Variants in TRAPPC9 observed in about 807,000 individuals in gnomAD.
TRAPPC9 encodes trafficking protein particle complex subunit 9.
TRAPPC9 carries 83 observed loss-of-function variants against 124.0 expected under a neutral mutation model. The ratio of observed to expected loss-of-function variants is 0.67; its 90% CI spans 0.56 to 0.80. TRAPPC9 has a LOEUF of 0.80. TRAPPC9 is among the 30% of genes least tolerant of loss of function. The pLI, the probability that TRAPPC9 is intolerant of heterozygous loss-of-function variation, is 0.00. For missense variants in TRAPPC9, 1,302 were observed against 1,508.3 expected (o/e 0.86, Z 2.27); for synonymous variants, 638 against 617.5 (o/e 1.03, Z -0.49).
intron 21 of TRAPPC9, among the ~76,000 whole-genome samples, chr8:139,844,447 G>A (rs565342854): frequency 5.9e-5 from 9 of 152,326 alleles, no homozygotes; most frequent in South Asian, 2.1e-4. Flanking sequence ...TCGTCAAGAC[G>A]TTCCTTCCCT....
chr8:140,143,740 C>T (rs7821157), intron 17 of TRAPPC9, among the ~76,000 whole-genome samples: 1 of 152,286 alleles, frequency 6.6e-6, no homozygotes, highest in African/African-American at 2.4e-5. Context: ...CAAATTTTTT[C>T]ATATGCATAA....
intron 21 of TRAPPC9, among the ~76,000 whole-genome samples, chr8:139,734,919 T>A (rs1818057410): frequency 6.6e-6 from 1 of 152,366 alleles, no homozygotes; most frequent in East Asian, 1.9e-4. Flanking sequence ...AGGCTATGAT[T>A]TGCCCTCAAA....
At chr8:140,266,813 TC>T (rs2131583647) in intron 15 of TRAPPC9, among the ~76,000 whole-genome samples, 1 of 151,834 alleles carries the variant, frequency 6.6e-6, no homozygotes, top group Non-Finnish European at 1.5e-5. Context: ...TGAGCCGAGA[TC>T]GCGCCACTGC....
intron 21 of TRAPPC9, among the ~76,000 whole-genome samples, chr8:139,779,702 T>C (rs1328702357): frequency 2.6e-5 from 4 of 152,278 alleles, no homozygotes; most frequent in Non-Finnish European, 1.5e-5. Flanking sequence ...AAAAGAGTTA[T>C]AGCTAATAAG....
intron 21 of TRAPPC9, among the ~76,000 whole-genome samples, chr8:139,793,067 C>T (rs776907282): frequency 2.4e-4 from 37 of 152,242 alleles, no homozygotes; most frequent in Middle Eastern, 3.4e-3. Context: ...GGGTCCAAGG[C>T]GGCCCAGCTG....
chr8:140,294,904 A>G (rs2065763636), intron 11 of TRAPPC9, among the ~76,000 whole-genome samples: 1 of 152,098 alleles, frequency 6.6e-6, no homozygotes, highest in Non-Finnish European at 1.5e-5. Flanking sequence ...GAGCCACCAC[A>G]CCCAGCCTGA....
At chr8:140,001,290 A>C (rs912245855) in intron 18 of TRAPPC9, among the ~76,000 whole-genome samples, 65 of 152,258 alleles carry the variant, frequency 4.3e-4, no homozygotes, top group African/African-American at 1.4e-3. Flanking sequence ...CCTAATGTAA[A>C]TGACGAGTTG....
At chr8:139,759,901 C>T (rs1322189267) in intron 21 of TRAPPC9, among the ~76,000 whole-genome samples, 6 of 152,212 alleles carry the variant, frequency 3.9e-5, no homozygotes, top group Non-Finnish European at 7.4e-5. Flanking sequence ...CCAAGACAGA[C>T]TCCCAGACCA....
chr8:140,018,542 TG>T, intron 18 of TRAPPC9, among the ~76,000 whole-genome samples: 1 of 152,050 alleles, frequency 6.6e-6, no homozygotes, highest in East Asian at 1.9e-4. Flanking sequence ...TTAGCCAGGA[TG>T]GTCTCGATCT....
At chr8:140,035,625 C>T (rs944537717) in intron 17 of TRAPPC9, among the ~76,000 whole-genome samples, 8 of 152,218 alleles carry the variant, frequency 5.3e-5, no homozygotes, top group African/African-American at 1.2e-4. Context: ...TAGCAACTGT[C>T]GTTCGGCAAG....
At chr8:140,356,564 G>GTA (rs2067753475) in intron 9 of TRAPPC9, among the ~76,000 whole-genome samples, 1 of 135,508 alleles carries the variant, frequency 7.4e-6, no homozygotes, top group African/African-American at 3.8e-5. Context: ...TGCAGCATAC[G>GTA]TATACACACA....
intron 15 of TRAPPC9, among the ~76,000 whole-genome samples, chr8:140,258,197 C>A (rs764003613): frequency 5.3e-5 from 8 of 152,220 alleles, no homozygotes; most frequent in Non-Finnish European, 1.2e-4. Context: ...CCCGGAGAGA[C>A]CGCCATTCAG....
chr8:140,016,667 C>G (rs1318290981), intron 18 of TRAPPC9, among the ~76,000 whole-genome samples: 1 of 152,162 alleles, frequency 6.6e-6, no homozygotes, highest in Non-Finnish European at 1.5e-5. Flanking sequence ...GGCAGCACCC[C>G]ACATTGTTTA....
At chr8:140,040,949 G>A (rs1841237291) in intron 17 of TRAPPC9, 1 of 152,236 alleles carries the variant, frequency 6.6e-6, no homozygotes, top group Non-Finnish European at 1.5e-5. Flanking sequence ...ACATTCAACA[G>A]AGGTGTCCAC....
At chr8:140,341,927 C>T (rs764023634) in intron 9 of TRAPPC9, among the ~76,000 whole-genome samples, 15 of 152,304 alleles carry the variant, frequency 9.8e-5, no homozygotes, top group Middle Eastern at 6.8e-3. Flanking sequence ...ATGTGTGGGG[C>T]CTTTGGCCTC....
chr8:140,011,998 G>A (rs1839168810), intron 18 of TRAPPC9, among the ~76,000 whole-genome samples: 1 of 152,076 alleles, frequency 6.6e-6, no homozygotes. Flanking sequence ...TTTTAGTAGA[G>A]ATGGGGTTTC....
At chr8:140,120,213 C>T (rs1486097259) in intron 17 of TRAPPC9, among the ~76,000 whole-genome samples, 2 of 152,152 alleles carry the variant, frequency 1.3e-5, no homozygotes, top group Non-Finnish European at 2.9e-5. Flanking sequence ...GAAATTAAGG[C>T]AGCTTTGAAC....
chr8:140,177,989 T>C (rs1412564170), intron 17 of TRAPPC9, among the ~76,000 whole-genome samples: 1 of 152,150 alleles, frequency 6.6e-6, no homozygotes, highest in East Asian at 1.9e-4. Flanking sequence ...TTGACTTTTG[T>C]ATATTAATCA....
chr8:140,442,963 T>A (rs1300566631), intron 2 of TRAPPC9, among the ~76,000 whole-genome samples: 1 of 149,378 alleles, frequency 6.7e-6, no homozygotes, highest in African/African-American at 2.5e-5. Context: ...TGAAACCCCA[T>A]CTCTACTAAA....
Sources: gnomAD v4.1 joint callset for allele counts (sites outside exome capture counted in the v4.1 genomes callset) on GRCh38, gnomAD v4.1.1 for gene constraint, MANE v1.5 for transcripts, NCBI Gene and HGNC (gene_info 2026-07-23, HGNC 2026-07-21) for gene names.